FLNB: variants seen among roughly 807,000 people sequenced by gnomAD.
The protein encoded by FLNB is filamin-B.
A neutral mutation model predicts 250.6 loss-of-function variants in FLNB; 111 were observed. That is an observed-to-expected ratio of 0.44 (90% CI 0.38 to 0.52). The LOEUF (loss-of-function observed/expected upper bound fraction) is 0.52. FLNB is among the 20% of genes least tolerant of loss of function. FLNB has a pLI of 0.00. For missense variants in FLNB, 2,869 were observed against 3,447.8 expected (o/e 0.83, Z 4.20); for synonymous variants, 1,302 against 1,372.1 (o/e 0.95, Z 1.13).
intron 4 of FLNB, among the ~76,000 whole-genome samples, chr3:58,083,927 G>C (rs1242560045): frequency 6.6e-6 from 1 of 152,056 alleles, no homozygotes; most frequent in African/African-American, 2.4e-5. Flanking sequence ...GGGCTTGGTG[G>C]CTCACACCTG....
chr3:58,016,784 AC>A (rs1422384753), intron 1 of FLNB, among the ~76,000 whole-genome samples: 1 of 152,062 alleles, frequency 6.6e-6, no homozygotes, highest in African/African-American at 2.4e-5. Context: ...TAATTGTAAC[AC>A]CTTCCCCCAA....
chr3:58,163,531 C>G, intron 43 of FLNB: 1 of 597,308 alleles, frequency 1.7e-6, no homozygotes, highest in Non-Finnish European at 3.0e-6. Context: ...AGTGAGAGCT[C>G]GATGGCCGTG....
Position 58,149,951 on chromosome 3 carries a change from G to T in FLNB, c.6193G>T (p.Val2065Leu), listed in dbSNP as rs371167931. ...GTCKVSYFPT[V>L]PGVYIVSTKF... Reference sequence around the variant, plus strand: ...CTGCAAAGTCTCCTACTTCCCTACCGTGCCTGGGGTTTATATCGTCTCCAC... The same window carrying T: ...CTGCAAAGTCTCCTACTTCCCTACCTTGCCTGGGGTTTATATCGTCTCCAC... Residue 2065 changes from valine (V) to leucine (L), a missense_variant, in exon 37 of 46, where the codon GTG becomes TTG. This residue lies in a region of FLNB where 1,084 missense variants were observed against 1,315.5 expected (regional missense o/e 0.82). Coordinates refer to ENST00000295956, the MANE Select transcript of FLNB (RefSeq NM_001457.4). 4 of 1,614,236 alleles carry T rather than the reference G, an allele frequency of 2.5e-6. No homozygotes were observed. Among genetic ancestry groups the T allele is most frequent in the Admixed American group, 1.7e-5 (1 of 60,022 alleles).
In FLNB at chr3:58,153,497, G is replaced by A. The variant is rs770824421; in HGVS notation, c.6490G>A (p.Val2164Met). 78 of 1,614,096 alleles carry A rather than the reference G, an allele frequency of 4.8e-5. No homozygotes were observed. Among genetic ancestry groups the A allele is most frequent in the Non-Finnish European group, 5.0e-5 (59 of 1,180,054 alleles). The change falls in exon 39 of 46, where the codon GTG (valine) becomes ATG (methionine). Residue 2164 changes from valine to methionine, a missense_variant. This residue lies in a region of FLNB where 1,084 missense variants were observed against 1,315.5 expected (regional missense o/e 0.82). Transcript: ENST00000295956. ...CCGGTTTGTGCCCCAGGAGATGGGC[G>A]TGCACACGGTCAGCGTCAAGTACCG... ...CVRFVPQEMGVHTVSVKYRGQ... is the reference protein window; with the variant it reads ...CVRFVPQEMGMHTVSVKYRGQ...
chr3:58,008,521 G>A lies in FLNB; in HGVS notation c.-44G>A. On this transcript the variant is annotated 5_prime_UTR_variant, in exon 1 of 46. Coordinates refer to ENST00000295956, the MANE Select transcript of FLNB (RefSeq NM_001457.4). ...TCGGCCCTTGGGCCTCCAAACACCAGTCCCCGGCAGCTCGTTGCGCATTGC... is the reference window on the plus strand; with the variant it reads ...TCGGCCCTTGGGCCTCCAAACACCAATCCCCGGCAGCTCGTTGCGCATTGC... 6.4e-7 allele frequency: 1 copy of A among 1,554,370 alleles called. No individual in the cohort carries two copies. Among genetic ancestry groups the A allele is most frequent in the South Asian group, 1.2e-5 (1 of 84,886 alleles).
At position 58,142,265 on chromosome 3, in the gene FLNB, G is replaced by A. The variant is rs2097328407; in HGVS notation, c.5181+336G>A. ...TGCACATTCAGTTTCTGTTCAGGGG[G>A]AAAGCCACCCACTGCTACTCTCTGC... On this transcript the variant is annotated intron_variant, in intron 30 of 45. Transcript: ENST00000295956. The surrounding 1 kb of genome is among the most constrained non-coding windows in gnomAD (Gnocchi z 4.3). 6.6e-6 allele frequency among the ~76,000 whole-genome samples: 1 copy of A among 152,150 alleles called. No homozygotes were observed. The highest frequency in any genetic ancestry group is 1.5e-5 in the Non-Finnish European group (1 of 68,024).
At chr3:58,125,489 C>T (rs560876083) in intron 22 of FLNB, 92 bp from the exon 23 acceptor site, 75 of 1,417,668 alleles carry the variant, frequency 5.3e-5, no homozygotes, top group South Asian at 1.5e-4. Flanking sequence ...ATGCAGACTT[C>T]GATGCTAGAT....
At chr3:58,029,429 T>C (rs1275385156) in intron 1 of FLNB, among the ~76,000 whole-genome samples, 1 of 152,168 alleles carries the variant, frequency 6.6e-6, no homozygotes, top group East Asian at 1.9e-4. Flanking sequence ...ATTTTTCTGT[T>C]CTGCTGGTAG....
intron 3 of FLNB, among the ~76,000 whole-genome samples, chr3:58,080,882 C>G (rs1449546953): frequency 6.6e-6 from 1 of 151,644 alleles, no homozygotes; most frequent in African/African-American, 2.4e-5. Context: ...AAACCTCCAC[C>G]TGCTGGGTTC....
chr3:58,126,869 T>C, intron 24 of FLNB, 107 bp downstream of exon 24: 1 of 1,035,038 alleles, frequency 9.7e-7, no homozygotes. Flanking sequence ...ATATTTGTAA[T>C]AGCTGCAAAA....
intron 24 of FLNB, among the ~76,000 whole-genome samples, chr3:58,129,339 T>TG (rs761424415): frequency 1.9e-4 from 29 of 152,190 alleles, no homozygotes; most frequent in Non-Finnish European, 4.0e-4. Flanking sequence ...GGATAATGCT[T>TG]GGGGTCTGCC....
At chr3:58,122,471 CA>C (rs2097290693) in intron 20 of FLNB, among the ~76,000 whole-genome samples, 1 of 146,454 alleles carries the variant, frequency 6.8e-6, no homozygotes, top group Non-Finnish European at 1.5e-5. Context: ...CCAGCCTGGG[CA>C]ACAGAGTGAG....
In FLNB at chr3:58,163,327, A is replaced by G. The variant is rs1309634632; in HGVS notation, c.7195A>G (p.Thr2399Ala). 6.2e-7 allele frequency: 1 copy of G among 1,614,130 alleles called. No individual in the cohort carries two copies. ...AYGTGLEGGT[T>A]GIQSEFFINT... is the part of the protein sequence containing the mutation. ...TGGCACGGGACTCGAAGGGGGCACCACAGGTAACCCACTCTTCTGCTTCTT... is the reference window on the plus strand; with the variant it reads ...TGGCACGGGACTCGAAGGGGGCACCGCAGGTAACCCACTCTTCTGCTTCTT... Residue 2399 changes from threonine to alanine, a missense_variant, in exon 43 of 46, where the codon ACA becomes GCA. Transcript: ENST00000295956.
intron 10 of FLNB, among the ~76,000 whole-genome samples, 199 bp downstream of exon 10, chr3:58,104,284 C>T (rs1369552754): frequency 1.3e-5 from 2 of 151,118 alleles, no homozygotes; most frequent in Admixed American, 1.3e-4. Flanking sequence ...AGCTGACTTG[C>T]TTTAAATCAA....
At chr3:58,058,970 A>T (rs2097174272) in intron 1 of FLNB, among the ~76,000 whole-genome samples, 1 of 152,236 alleles carries the variant, frequency 6.6e-6, no homozygotes, top group Non-Finnish European at 1.5e-5. Flanking sequence ...CTCTTTGGAG[A>T]TAAAATTTTT....
chr3:58,025,077 A>T (rs542330457), intron 1 of FLNB, among the ~76,000 whole-genome samples: 4 of 133,472 alleles, frequency 3.0e-5, no homozygotes, highest in Non-Finnish European at 4.8e-5. Flanking sequence ...TGTCTCCTGT[A>T]ATGTCCTTCC....
intron 34 of FLNB, among the ~76,000 whole-genome samples, chr3:58,147,919 C>T (rs2097338244): frequency 6.6e-6 from 1 of 152,204 alleles, no homozygotes; most frequent in African/African-American, 2.4e-5. Context: ...CTCAGCCTCT[C>T]AAAGTGTTGG....
In FLNB at chr3:58,110,056, A is replaced by G; in HGVS notation, c.2370A>G (p.Glu790=). The G allele has an allele frequency of 1.9e-6, 3 of 1,614,190 alleles. No homozygotes were observed. Among genetic ancestry groups the G allele is most frequent in the South Asian group, 1.1e-5 (1 of 91,086 alleles). The change falls in exon 16 of 46, where the codon GAA becomes GAG. Residue 790 remains glutamate (E), a synonymous_variant. Transcript: ENST00000295956. ...AGTGTGATGCCCGGGTGTTAAGTGA[A>G]GATGAGGAAGACGTGGATTTTGACA... ...GIKCDARVLS[E]DEEDVDFDII...
intron 25 of FLNB, 77 bp downstream of exon 25, chr3:58,130,985 T>G (rs1003563985): frequency 3.6e-6 from 5 of 1,397,088 alleles, no homozygotes; most frequent in African/African-American, 1.4e-5. Context: ...GCAGATGCTT[T>G]GCTTTTGAGT....
Sources: allele counts gnomAD v4.1 joint callset (sites outside exome capture counted in the v4.1 genomes callset), GRCh38; gene constraint gnomAD v4.1.1; regional missense constraint gnomAD v4.1.1; non-coding constraint Gnocchi (gnomAD v3.1); transcripts MANE v1.5; gene names NCBI Gene and HGNC (gene_info 2026-07-23, HGNC 2026-07-21).